Variants in HDAC4 observed in about 807,000 individuals in gnomAD.
HDAC4 encodes the protein histone deacetylase 4.
A neutral mutation model predicts 135.1 loss-of-function variants in HDAC4; 16 were observed. That is an observed-to-expected ratio of 0.12 (90% CI 0.08 to 0.18). The LOEUF is 0.18. Ranked by LOEUF, HDAC4 falls within the 10% of genes least tolerant of loss-of-function variation. The pLI, the probability that HDAC4 is intolerant of heterozygous loss-of-function variation, is 1.00. For missense variants in HDAC4, 1,143 were observed against 1,511.8 expected (o/e 0.76, Z 4.05); for synonymous variants, 685 against 653.4 (o/e 1.05, Z -0.74).
chr2:239,323,223 G>A (rs536349609), intron 2 of HDAC4, among the ~76,000 whole-genome samples: 2 of 152,114 alleles, frequency 1.3e-5, no homozygotes, highest in Non-Finnish European at 2.9e-5. Context: ...CTGTTCTATC[G>A]TGTATGTAAT....
chr2:239,065,470 A>C (rs533573835), intron 24 of HDAC4, among the ~76,000 whole-genome samples: 1 of 152,290 alleles, frequency 6.6e-6, no homozygotes, highest in South Asian at 2.1e-4. Flanking sequence ...GAAAATGAGG[A>C]TGCTGCTTCC....
At chr2:239,252,274 G>A (rs372816559) in intron 2 of HDAC4, among the ~76,000 whole-genome samples, 80 of 152,316 alleles carry the variant, frequency 5.3e-4, no homozygotes, top group African/African-American at 1.8e-3. Flanking sequence ...GGGCCTCACC[G>A]TCAACAGCCA....
At chr2:239,143,443 C>T (rs1387343508) in intron 8 of HDAC4, among the ~76,000 whole-genome samples, 1 of 152,212 alleles carries the variant, frequency 6.6e-6, no homozygotes, top group Non-Finnish European at 1.5e-5. Flanking sequence ...CATAACATTT[C>T]TTGATGGCTG....
intron 7 of HDAC4, among the ~76,000 whole-genome samples, chr2:239,145,578 G>A (rs1007607578): frequency 6.6e-6 from 1 of 152,244 alleles, no homozygotes; most frequent in Non-Finnish European, 1.5e-5. Context: ...AGAGGTTATC[G>A]GCTTTCAGAG....
intron 2 of HDAC4, among the ~76,000 whole-genome samples, chr2:239,246,508 C>T (rs1171644044): frequency 1.3e-5 from 2 of 152,224 alleles, no homozygotes; most frequent in South Asian, 2.1e-4. Flanking sequence ...GGTGTGTGGG[C>T]GGGGGCCGGC....
chr2:239,306,446 G>A lies in HDAC4; in HGVS notation c.22+46232C>T, dbSNP rs2052587465. On this transcript the variant is annotated intron_variant, in intron 2 of 26. Coordinates refer to ENST00000543185, the MANE Select transcript of HDAC4 (RefSeq NM_001378414.1). The surrounding 1 kb of genome is among the most constrained non-coding windows in gnomAD (Gnocchi z 4.5). ...GTGTCCCTGCCCAGGTGCCAGCAAG[G>A]ACTGACTAATACCTGACCCAGGGCC... Among the ~76,000 whole-genome samples, 1 of 152,012 alleles carries A rather than the reference G, an allele frequency of 6.6e-6. No individual in the cohort carries two copies. Among genetic ancestry groups the A allele is most frequent in the Non-Finnish European group, 1.5e-5 (1 of 68,000 alleles).
chr2:239,077,450 A>T (rs1352271492), intron 22 of HDAC4, among the ~76,000 whole-genome samples: 2 of 152,254 alleles, frequency 1.3e-5, no homozygotes, highest in Non-Finnish European at 2.9e-5. Context: ...CCTCCAGGGC[A>T]GGCACTGTGC....
chr2:239,288,348 C>T (rs1470800301), intron 2 of HDAC4, among the ~76,000 whole-genome samples: 1 of 152,184 alleles, frequency 6.6e-6, no homozygotes, highest in Non-Finnish European at 1.5e-5. Flanking sequence ...AAACATCATA[C>T]TTAAATTGGG....
At chr2:239,357,700 A>G (rs1479517350) in intron 1 of HDAC4, among the ~76,000 whole-genome samples, 1 of 150,906 alleles carries the variant, frequency 6.6e-6, no homozygotes, top group Non-Finnish European at 1.5e-5. Context: ...CCTGGGCAAC[A>G]TTGTGAAACC....
intron 2 of HDAC4, among the ~76,000 whole-genome samples, chr2:239,341,744 T>C (rs1194118932): frequency 6.6e-6 from 1 of 152,222 alleles, no homozygotes; most frequent in Non-Finnish European, 1.5e-5. Context: ...TGCAAACTAA[T>C]TGAAAGAAAA....
chr2:239,218,822 A>G (rs1281826671), intron 3 of HDAC4, among the ~76,000 whole-genome samples: 1 of 149,514 alleles, frequency 6.7e-6, no homozygotes, highest in Non-Finnish European at 1.5e-5. Context: ...ATGAACAGAC[A>G]CTTCTCAAAA....
chr2:239,195,973 C>T (rs772186251), intron 3 of HDAC4, among the ~76,000 whole-genome samples: 6 of 152,096 alleles, frequency 3.9e-5, no homozygotes, highest in East Asian at 1.9e-4. Flanking sequence ...TCTCAGGACG[C>T]GATTTCATGC....
chr2:239,125,966 T>G (rs1026852784), intron 12 of HDAC4, among the ~76,000 whole-genome samples: 1 of 152,268 alleles, frequency 6.6e-6, no homozygotes, highest in Non-Finnish European at 1.5e-5. Flanking sequence ...ACGCTGCTCA[T>G]GCACTCAGGC....
chr2:239,108,183 C>G lies in HDAC4; in HGVS notation c.1979G>C (p.Gly660Ala), dbSNP rs768624927. The change falls in exon 15 of 27, where the codon GGC becomes GCC. Residue 660 changes from glycine to alanine, a missense_variant and splice_region_variant. This residue lies in a region of HDAC4 where 47 missense variants were observed against 117.2 expected (regional missense o/e 0.40). Coordinates refer to ENST00000543185, the MANE Select transcript of HDAC4 (RefSeq NM_001378414.1). ...CAGCATCAGCGTGTCATACACGAGG[C>G]CTGGGGCGGGGCAGAGGGGCCAAGA... ...EPPTKPRFTT[G>A]LVYDTLMLKH... is the part of the protein sequence containing the mutation. 17 of 1,598,392 alleles carry G rather than the reference C, an allele frequency of 1.1e-5. No individual in the cohort carries two copies. Among genetic ancestry groups the G allele is most frequent in the Non-Finnish European group, 1.4e-5 (16 of 1,173,836 alleles).
chr2:239,388,936 T>C (rs1696013539), intron 1 of HDAC4, among the ~76,000 whole-genome samples: 1 of 152,166 alleles, frequency 6.6e-6, no homozygotes. Context: ...GGCCACTGTG[T>C]GTTAGTCTCC....
At chr2:239,177,914 C>T (rs914968952) in intron 4 of HDAC4, among the ~76,000 whole-genome samples, 22 of 152,326 alleles carry the variant, frequency 1.4e-4, no homozygotes, top group East Asian at 5.8e-4. Context: ...CTGGCGCTGA[C>T]GAGTGTGGGA....
Position 239,050,408 on chromosome 2 carries a change from C to CAGA in HDAC4, c.*2686_*2688dup, listed in dbSNP as rs1315776533. Reference sequence around the variant, plus strand: ...ATGCAGAGAATGAGGCCAAGGAGGCCAGAAGAGCCTGCTAGCTGGGCCCTG... The same window carrying CAGA: ...ATGCAGAGAATGAGGCCAAGGAGGCCAGAAGAAGAGCCTGCTAGCTGGGCCCTG... On this transcript the variant is annotated 3_prime_UTR_variant, in exon 27 of 27. Transcript: ENST00000543185. 3.3e-5 allele frequency: 5 copies of CAGA among 152,270 alleles called. No individual in the cohort carries two copies. Among genetic ancestry groups the CAGA allele is most frequent in the African/African-American group, 1.2e-4 (5 of 41,462 alleles). The allele number at this position is 152,270 out of a possible 1,614,324, so 9.4% of individuals were successfully genotyped here.
intron 23 of HDAC4, among the ~76,000 whole-genome samples, chr2:239,067,903 C>T (rs1016884966): frequency 1.5e-4 from 23 of 152,156 alleles, no homozygotes; most frequent in Admixed American, 3.3e-4. Flanking sequence ...CCAGGATCCT[C>T]GGGGACTCCA....
intron 4 of HDAC4, among the ~76,000 whole-genome samples, chr2:239,182,410 G>A (rs1023651551): frequency 6.6e-6 from 1 of 152,208 alleles, no homozygotes; most frequent in Non-Finnish European, 1.5e-5. Context: ...CCAGAACCCA[G>A]AGGGAAAGTG....
Sources: allele counts gnomAD v4.1 joint callset (sites outside exome capture counted in the v4.1 genomes callset), GRCh38; gene constraint gnomAD v4.1.1; regional missense constraint gnomAD v4.1.1; non-coding constraint Gnocchi (gnomAD v3.1); transcripts MANE v1.5; gene names NCBI Gene and HGNC (gene_info 2026-07-23, HGNC 2026-07-21).